TOR1AIP1: variants seen among roughly 807,000 people sequenced by gnomAD.
TOR1AIP1 encodes torsin 1A interacting protein 1.
TOR1AIP1 carries 54 observed loss-of-function variants against 63.3 expected under a neutral mutation model. The ratio of observed to expected loss-of-function variants is 0.85; its 90% CI spans 0.69 to 1.07. The LOEUF (loss-of-function observed/expected upper bound fraction) is 1.07, where lower values mean the gene tolerates loss of function less well. Among genes scored for constraint, TOR1AIP1 ranks in the 50% least tolerant of loss-of-function variants. TOR1AIP1 has a pLI of 0.00. For synonymous variants in TOR1AIP1, 294 were observed against 273.5 expected, an observed-to-expected ratio of 1.07 and a Z score of -0.74; for missense variants, 736 against 715.0, an observed-to-expected ratio of 1.03 and a Z score of -0.33.
Position 179,904,003 on chromosome 1 carries a change from A to T in TOR1AIP1, c.777A>T (p.Ser259=). Residue 259 remains serine (S), a synonymous_variant, in exon 6 of 10, where the codon TCA becomes TCT. Transcript: ENST00000606911. ...GATCATCTAGTCAATATATAGAATC[A>T]TTTTGGCAGTCATCACAAAGTAAGT... ...TTRSSSQYIE[S]FWQSSQSQNF... is the part of the protein sequence containing the mutation. 6.2e-7 allele frequency: 1 copy of T among 1,608,456 alleles called. No homozygotes were observed. The highest frequency in any genetic ancestry group is 8.5e-7 in the Non-Finnish European group (1 of 1,176,352).
intron 3 of TOR1AIP1, among the ~76,000 whole-genome samples, chr1:179,896,105 A>G (rs1390809777): frequency 6.6e-6 from 1 of 152,176 alleles, no homozygotes; most frequent in Non-Finnish European, 1.5e-5. Context: ...CAGCTTGGGT[A>G]AAAAGGTGGA....
intron 3 of TOR1AIP1, among the ~76,000 whole-genome samples, chr1:179,890,981 A>G (rs1269113765): frequency 6.6e-6 from 1 of 152,184 alleles, no homozygotes; most frequent in African/African-American, 2.4e-5. Flanking sequence ...AAGAGTATAT[A>G]TATCTAGTCA....
intron 7 of TOR1AIP1, among the ~76,000 whole-genome samples, chr1:179,908,066 G>A (rs1001046728): frequency 2.6e-5 from 4 of 151,552 alleles, no homozygotes; most frequent in South Asian, 2.1e-4. Context: ...CCGCCACCAC[G>A]CCCGGCTAAT....
chr1:179,883,073 A>C (rs1647790107), intron 1 of TOR1AIP1, 96 bp downstream of exon 1: 3 of 1,143,070 alleles, frequency 2.6e-6, no homozygotes, highest in Non-Finnish European at 2.5e-6. Context: ...CTGGGTACTA[A>C]GTACTGGGAT....
Position 179,893,926 on chromosome 1 carries a change from A to T in TOR1AIP1, c.610+4557A>T, listed in dbSNP as rs114105049. Among the ~76,000 whole-genome samples the T allele has an allele frequency of 1.8e-3, 281 of 152,306 alleles. 1 individual carries two copies. The highest frequency in any genetic ancestry group is 2.9e-3 in the Non-Finnish European group (199 of 68,026). On this transcript the variant is annotated intron_variant, in intron 3 of 9. Coordinates refer to ENST00000606911, the MANE Select transcript of TOR1AIP1 (RefSeq NM_015602.4). ...TAAAATATCTACTATTTAGTCCTTT[A>T]TAAAAAAAGTTTGCTGACCCCTGAT... is the stretch of plus-strand genomic sequence containing the variant.
rs532267544 is a variant in TOR1AIP1, at chr1:179,905,624, T to A, written c.796+1602T>A. On this transcript the variant is annotated intron_variant, in intron 6 of 9. Transcript: ENST00000606911. ...TGATCTTTGGAAACTCTTAAATGTA[T>A]CTACCCGTATAAATGATATTATACC... Among the ~76,000 whole-genome samples the A allele has an allele frequency of 6.6e-5, 10 of 152,266 alleles. No homozygotes were observed. The South Asian group carries it at 1.7e-3, about 25-fold the overall frequency.
intron 8 of TOR1AIP1, among the ~76,000 whole-genome samples, chr1:179,912,776 A>G (rs1648880370): frequency 6.6e-6 from 1 of 152,180 alleles, no homozygotes; most frequent in South Asian, 2.1e-4. Context: ...TTACTACATC[A>G]TTATGGAGTT....
chr1:179,909,093 G>A (rs1029524253), intron 8 of TOR1AIP1, among the ~76,000 whole-genome samples: 13 of 151,966 alleles, frequency 8.6e-5, no homozygotes, highest in African/African-American at 2.2e-4. Flanking sequence ...CCCAGGAGGC[G>A]GAGCTTGCAG....
intron 5 of TOR1AIP1, among the ~76,000 whole-genome samples, chr1:179,903,632 C>T (rs1464157977): frequency 2.0e-5 from 3 of 151,998 alleles, no homozygotes; most frequent in Non-Finnish European, 4.4e-5. Context: ...CTAAGGCCTC[C>T]CGAGTAGCTT....
At chr1:179,894,887 C>T (rs566675123) in intron 3 of TOR1AIP1, among the ~76,000 whole-genome samples, 23 of 152,292 alleles carry the variant, frequency 1.5e-4, no homozygotes, top group African/African-American at 5.3e-4. Context: ...GCAAAATCTA[C>T]AGGAGAAATG....
chr1:179,902,161 G>A (rs1648489252), intron 5 of TOR1AIP1, among the ~76,000 whole-genome samples: 1 of 150,950 alleles, frequency 6.6e-6, no homozygotes, highest in Non-Finnish European at 1.5e-5. Flanking sequence ...AAGCAGGTGG[G>A]ATTACAGGTG....
rs745977290 is a variant in TOR1AIP1 at position 179,908,684 on chromosome 1, A to T, written c.907+11A>T. 1 of 1,605,860 alleles carries T rather than the reference A, an allele frequency of 6.2e-7. No homozygotes were observed. Among genetic ancestry groups the T allele is most frequent in the Non-Finnish European group, 8.5e-7 (1 of 1,173,752 alleles). Reference sequence around the variant, plus strand: ...GGACCAGGATGCAAAGTAAGTAGATAAATCTCTGTTATTGAAATAATCTTG... The same window carrying T: ...GGACCAGGATGCAAAGTAAGTAGATTAATCTCTGTTATTGAAATAATCTTG... On this transcript the variant is annotated intron_variant, in intron 8 of 9. Coordinates refer to ENST00000606911, the MANE Select transcript of TOR1AIP1 (RefSeq NM_015602.4).
chr1:179,909,168 G>C (rs1461603582), intron 8 of TOR1AIP1, among the ~76,000 whole-genome samples: 1 of 148,380 alleles, frequency 6.7e-6, no homozygotes, highest in East Asian at 2.0e-4. Context: ...CTGAAAAAAA[G>C]AAAAAAAAAG....
chr1:179,882,827 A>T lies in TOR1AIP1; in HGVS notation c.325A>T (p.Arg109Trp). The T allele has an allele frequency of 6.2e-7, 1 of 1,614,184 alleles. No homozygotes were observed. Among genetic ancestry groups the T allele is most frequent in the Admixed American group, 1.7e-5 (1 of 60,030 alleles). Residue 109 changes from arginine (R) to tryptophan (W), a missense_variant, in exon 1 of 10, where the codon AGG becomes TGG. By Grantham distance (101) the Arg-to-Trp change is moderately radical (BLOSUM62 -3). Coordinates refer to ENST00000606911, the MANE Select transcript of TOR1AIP1 (RefSeq NM_015602.4). ...VRESAYYLRS[R>W]QRRQPRPQET... ...AGAAAGCGCGTACTACCTTCGGTCT[A>T]GGCAGCGGAGGCAGCCGCGACCCCA... is the stretch of plus-strand genomic sequence containing the variant.
chr1:179,908,461 C>T, intron 7 of TOR1AIP1, 144 bp from the exon 8 acceptor site: 1 of 656,938 alleles, frequency 1.5e-6, no homozygotes, highest in Non-Finnish European at 2.6e-6. Context: ...TTGAAATTAT[C>T]TTTTACTTAT....
rs375349271 is a variant in TOR1AIP1, at chr1:179,895,070, T to C, written c.611-5056T>C. Among the ~76,000 whole-genome samples, 209 of 152,366 alleles carry C rather than the reference T, an allele frequency of 1.4e-3. 2 individuals are homozygous for C. The highest frequency in any genetic ancestry group is 4.9e-3 in the African/African-American group (205 of 41,596). Reference sequence around the variant, plus strand: ...TAGAGGCGATGACTGTTAAGTGATCTATCTTAAACATAAAGACCTCGGACT... The same window carrying C: ...TAGAGGCGATGACTGTTAAGTGATCCATCTTAAACATAAAGACCTCGGACT... On this transcript the variant is annotated intron_variant, in intron 3 of 9. Transcript: ENST00000606911.
At chr1:179,897,626 C>G (rs1174123271) in intron 3 of TOR1AIP1, among the ~76,000 whole-genome samples, 2 of 152,066 alleles carry the variant, frequency 1.3e-5, no homozygotes, top group African/African-American at 4.8e-5. Context: ...TCTATTCAGC[C>G]CTAGTTAAAG....
intron 8 of TOR1AIP1, among the ~76,000 whole-genome samples, chr1:179,908,961 C>G (rs575718413): frequency 1.3e-5 from 2 of 152,024 alleles, no homozygotes; most frequent in African/African-American, 4.8e-5. Context: ...GTCAGGAGAT[C>G]GAGACCATCC....
At chr1:179,916,694 C>A (rs933879292) in intron 9 of TOR1AIP1, among the ~76,000 whole-genome samples, 4 of 119,164 alleles carry the variant, frequency 3.4e-5, no homozygotes, top group African/African-American at 1.2e-4. Context: ...TATATTGCAT[C>A]CTTTTCTTTT....
Sources: gnomAD v4.1 joint callset for allele counts (sites outside exome capture counted in the v4.1 genomes callset) on GRCh38, gnomAD v4.1.1 for gene constraint, MANE v1.5 for transcripts, NCBI Gene and HGNC (gene_info 2026-07-23, HGNC 2026-07-21) for gene names.